CCDC63: variants seen among roughly 807,000 people sequenced by gnomAD.
CCDC63 encodes the protein coiled-coil domain-containing protein 63.
Under a neutral mutation model 63.6 loss-of-function variants are expected in CCDC63, and 54 were observed. That is an observed-to-expected ratio of 0.85 (90% CI 0.68 to 1.07). The LOEUF (loss-of-function observed/expected upper bound fraction) is 1.07. Ranked by LOEUF, CCDC63 falls within the 50% of genes least tolerant of loss-of-function variation. The pLI is 0.00. For missense variants in CCDC63, 637 were observed against 689.6 expected (o/e 0.92, Z 0.86); for synonymous variants, 253 against 266.1 (o/e 0.95, Z 0.48).
At chr12:110,885,818 GCAAA>G (rs915539470) in intron 8 of CCDC63, among the ~76,000 whole-genome samples, 1 of 152,166 alleles carries the variant, frequency 6.6e-6, no homozygotes, top group African/African-American at 2.4e-5. Context: ...CTGGCCATGT[GCAAA>G]CAGATTGCAG....
At chr12:110,879,629 C>G (rs571444931) in intron 5 of CCDC63, among the ~76,000 whole-genome samples, 2 of 152,266 alleles carry the variant, frequency 1.3e-5, no homozygotes, top group African/African-American at 4.8e-5. Context: ...GTTCCCCACT[C>G]CTCTGTTAAT....
upstream of CCDC63, chr12:110,845,754 T>C (rs2070629758): frequency 6.7e-6 from 1 of 149,312 alleles, no homozygotes; most frequent in Non-Finnish European, 1.5e-5. Context: ...ACCAAAAACA[T>C]GGTAAGTTCT....
chr12:110,875,899 C>G (rs567050611), intron 5 of CCDC63, among the ~76,000 whole-genome samples: 1 of 152,130 alleles, frequency 6.6e-6, no homozygotes, highest in African/African-American at 2.4e-5. Context: ...TGAGGTCAGC[C>G]TGGCCACCAT....
At chr12:110,901,448 G>A (rs1296736203) in intron 10 of CCDC63, among the ~76,000 whole-genome samples, 2 of 151,170 alleles carry the variant, frequency 1.3e-5, no homozygotes, top group Admixed American at 6.6e-5. Context: ...GGCTGGCCTC[G>A]AACCCCTGTA....
chr12:110,900,020 A>T (rs183679388), intron 10 of CCDC63, among the ~76,000 whole-genome samples: 21 of 151,978 alleles, frequency 1.4e-4, no homozygotes, highest in Admixed American at 1.3e-3. Flanking sequence ...TCAAGACCAG[A>T]CTGGCAAACA....
intron 4 of CCDC63, among the ~76,000 whole-genome samples, chr12:110,872,775 G>A (rs1035429121): frequency 6.6e-6 from 1 of 152,122 alleles, no homozygotes; most frequent in Non-Finnish European, 1.5e-5. Context: ...ATAGGTGCAT[G>A]CCACCAAGCC....
At chr12:110,846,189 A>G (rs563388240), upstream of CCDC63, among the ~76,000 whole-genome samples, 10 of 152,264 alleles carry the variant, frequency 6.6e-5, no homozygotes, top group Admixed American at 5.2e-4. Flanking sequence ...AGCTACTACA[A>G]TCCACTCAGG....
In CCDC63 at chr12:110,907,326, TG is replaced by T. The variant is rs2071602140; in HGVS notation, c.1547-4del. The T allele has an allele frequency of 6.2e-7, 1 of 1,612,784 alleles. No individual in the cohort carries two copies. The highest frequency in any genetic ancestry group is 8.5e-7 in the Non-Finnish European group (1 of 1,179,666). The stretch of plus-strand genomic sequence containing the variant: ...GCACCTCACACAAATCTGATCTTGG[TG>T]CAGTGGAACAGCCCCTGGACCACAG... On this transcript the variant is annotated splice_polypyrimidine_tract_variant and splice_region_variant and intron_variant, in intron 11 of 11. Coordinates refer to ENST00000308208, the MANE Select transcript of CCDC63 (RefSeq NM_152591.3). This position sits in a 1 kb window ranked among gnomAD's most constrained non-coding sequence, Gnocchi z 4.4.
intron 8 of CCDC63, among the ~76,000 whole-genome samples, chr12:110,890,862 C>T (rs1376170154): frequency 2.7e-5 from 4 of 150,310 alleles, no homozygotes; most frequent in Admixed American, 6.6e-5. Flanking sequence ...TTGCAACCTC[C>T]GCCTCCTGGG....
chr12:110,873,714 A>C (rs1258456788), intron 4 of CCDC63, 128 bp from the exon 5 acceptor site: 1 of 1,190,914 alleles, frequency 8.4e-7, no homozygotes, highest in African/African-American at 1.5e-5. Context: ...AGCACACTTC[A>C]GTTAGTGAAC....
At chr12:110,874,459 A>G (rs1467538040) in intron 5 of CCDC63, among the ~76,000 whole-genome samples, 2 of 152,192 alleles carry the variant, frequency 1.3e-5, no homozygotes, top group Non-Finnish European at 2.9e-5. Flanking sequence ...TTAAATTGCA[A>G]TCTGGCTTAA....
In CCDC63 at chr12:110,852,879, A is replaced by G; in HGVS notation, c.-76A>G. 5.0e-6 allele frequency: 8 copies of G among 1,612,332 alleles called. No individual in the cohort carries two copies. Among genetic ancestry groups the G allele is most frequent in the Non-Finnish European group, 6.8e-6 (8 of 1,178,474 alleles). The stretch of plus-strand genomic sequence containing the variant: ...AACAGGGCATTGCAGAGAGACAGAG[A>G]GAGAGAGGAAGGCTCACTGGCTTTG... On this transcript the variant is annotated 5_prime_UTR_variant, in exon 2 of 12. Coordinates refer to ENST00000308208, the MANE Select transcript of CCDC63 (RefSeq NM_152591.3).
At chr12:110,884,371 C>T in intron 8 of CCDC63, 121 bp downstream of exon 8, 1 of 702,384 alleles carries the variant, frequency 1.4e-6, no homozygotes, top group South Asian at 1.7e-5. Context: ...CAACACCGCT[C>T]TATTCCCCTT....
intron 10 of CCDC63, among the ~76,000 whole-genome samples, chr12:110,900,061 A>G (rs1027060875): frequency 6.6e-6 from 1 of 151,974 alleles, no homozygotes; most frequent in African/African-American, 2.4e-5. Context: ...TAAAAATACA[A>G]AAATTAGCTG....
intron 1 of CCDC63, among the ~76,000 whole-genome samples, chr12:110,851,692 A>G (rs2070707663): frequency 6.6e-6 from 1 of 151,980 alleles, no homozygotes; most frequent in Non-Finnish European, 1.5e-5. Context: ...CACCCCTCTC[A>G]CCCTCATCAA....
intron 8 of CCDC63, among the ~76,000 whole-genome samples, chr12:110,892,035 G>A (rs1033946673): frequency 1.3e-5 from 2 of 152,134 alleles, no homozygotes; most frequent in East Asian, 1.9e-4. Flanking sequence ...GCATCACCTG[G>A]GAACTTGTTA....
intron 9 of CCDC63, among the ~76,000 whole-genome samples, chr12:110,893,509 G>A (rs1165506736): frequency 1.3e-5 from 2 of 152,034 alleles, no homozygotes; most frequent in Non-Finnish European, 2.9e-5. Flanking sequence ...TGTCCTGCCT[G>A]TGCCCTGTTC....
chr12:110,903,456 A>G (rs1203790017), intron 10 of CCDC63, among the ~76,000 whole-genome samples: 2 of 152,234 alleles, frequency 1.3e-5, no homozygotes, highest in African/African-American at 2.4e-5. Flanking sequence ...GATTGGTTCA[A>G]TTGTTGAACT....
chr12:110,890,315 A>T (rs1057128252), intron 8 of CCDC63, among the ~76,000 whole-genome samples: 2 of 151,876 alleles, frequency 1.3e-5, no homozygotes, highest in Non-Finnish European at 1.5e-5. Context: ...AAAAAAAAAA[A>T]TTTAAAAATT....
Sources: allele counts gnomAD v4.1 joint callset (sites outside exome capture counted in the v4.1 genomes callset), GRCh38; gene constraint gnomAD v4.1.1; non-coding constraint Gnocchi (gnomAD v3.1); transcripts MANE v1.5; gene names NCBI Gene and HGNC (gene_info 2026-07-23, HGNC 2026-07-21).